The following GSK3B variants were observed in gnomAD, a reference collection of about 807,000 sequenced individuals.
GSK3B encodes the protein glycogen synthase kinase 3 beta.
A neutral mutation model predicts 56.4 loss-of-function variants in GSK3B; 15 were observed. The ratio of observed to expected loss-of-function variants is 0.27; its 90% CI spans 0.18 to 0.41. The LOEUF (loss-of-function observed/expected upper bound fraction) is 0.41. Ranked by LOEUF, GSK3B falls within the 10% of genes least tolerant of loss-of-function variation. The pLI is 1.00. For synonymous variants in GSK3B, 181 were observed against 188.9 expected (o/e 0.96, Z 0.34); for missense variants, 300 against 513.4 (o/e 0.58, Z 4.02).
chr3:119,848,626 A>G (rs1205165546), intron 9 of GSK3B, among the ~76,000 whole-genome samples: 1 of 152,150 alleles, frequency 6.6e-6, no homozygotes, highest in African/African-American at 2.4e-5. Flanking sequence ...TAGCAAGGGA[A>G]ATTGTACTTT....
intron 10 of GSK3B, among the ~76,000 whole-genome samples, chr3:119,837,247 C>T (rs552278569): frequency 1.3e-5 from 2 of 152,164 alleles, no homozygotes; most frequent in South Asian, 2.1e-4. Flanking sequence ...CTCCGCCTCC[C>T]GGGTTCACGC....
At chr3:119,898,856 T>C (rs1221891063) in intron 7 of GSK3B, among the ~76,000 whole-genome samples, 1 of 152,012 alleles carries the variant, frequency 6.6e-6, no homozygotes, top group Non-Finnish European at 1.5e-5. Flanking sequence ...GCAACAACAA[T>C]TAAAATGATA....
intron 1 of GSK3B, among the ~76,000 whole-genome samples, chr3:120,024,988 G>A (rs1369962973): frequency 2.0e-5 from 3 of 152,172 alleles, no homozygotes; most frequent in Non-Finnish European, 4.4e-5. Context: ...AAAGAAGATA[G>A]ACTCACTAAT....
chr3:119,966,630 A>G (rs17810302), intron 2 of GSK3B, among the ~76,000 whole-genome samples: 12,943 of 152,274 alleles, frequency 0.085, 679 homozygotes, highest in Non-Finnish European at 0.11. Flanking sequence ...GGTTAACAAC[A>G]AAGTCCTTTT....
intron 1 of GSK3B, among the ~76,000 whole-genome samples, chr3:120,077,655 G>A (rs896020213): frequency 2.6e-5 from 4 of 151,582 alleles, no homozygotes; most frequent in South Asian, 2.1e-4. Context: ...TGGTAGGGGC[G>A]AGGGAGAGGG....
At chr3:120,016,488 T>C (rs537043310) in intron 1 of GSK3B, among the ~76,000 whole-genome samples, 1 of 152,330 alleles carries the variant, frequency 6.6e-6, no homozygotes, top group East Asian at 1.9e-4. Flanking sequence ...CCTGTCCATT[T>C]ACTGAAAAAC....
chr3:120,019,118 A>G (rs1257628994), intron 1 of GSK3B, among the ~76,000 whole-genome samples: 1 of 152,214 alleles, frequency 6.6e-6, no homozygotes, highest in Non-Finnish European at 1.5e-5. Context: ...TGAATTAGCT[A>G]AAGTACAATA....
At chr3:119,893,296 G>A (rs533387388) in intron 7 of GSK3B, among the ~76,000 whole-genome samples, 2 of 152,182 alleles carry the variant, frequency 1.3e-5, no homozygotes, top group African/African-American at 4.8e-5. Flanking sequence ...ACCGCACCCA[G>A]CAGGTTTTAC....
chr3:119,906,461 C>G (rs2056683350), intron 6 of GSK3B, among the ~76,000 whole-genome samples: 1 of 151,974 alleles, frequency 6.6e-6, no homozygotes, highest in South Asian at 2.1e-4. Flanking sequence ...AAAATGAAAA[C>G]CTCAATCCGG....
At position 119,869,927 on chromosome 3, in the gene GSK3B, G is replaced by C. The variant is rs1322581281; in HGVS notation, c.910-6322C>G. On this transcript the variant is annotated intron_variant, in intron 8 of 10. Transcript: ENST00000264235. ...TAGTACTACATGCCTACACAGGAGTGGGATTTGCCAAATGTCCGCTTATCC... is the reference window on the plus strand; with the variant it reads ...TAGTACTACATGCCTACACAGGAGTCGGATTTGCCAAATGTCCGCTTATCC... Among the ~76,000 whole-genome samples the C allele has an allele frequency of 2.0e-5, 3 of 152,146 alleles. No homozygotes were observed. In the South Asian group the frequency reaches 6.2e-4, roughly 32 times the overall value.
chr3:119,851,747 C>T (rs938206866), intron 9 of GSK3B, among the ~76,000 whole-genome samples: 4 of 152,198 alleles, frequency 2.6e-5, no homozygotes, highest in Admixed American at 2.0e-4. Flanking sequence ...GTCTGACCTC[C>T]TCATGTGTGT....
intron 10 of GSK3B, among the ~76,000 whole-genome samples, chr3:119,830,402 G>A (rs2055580786): frequency 6.6e-6 from 1 of 152,166 alleles, no homozygotes; most frequent in Admixed American, 6.5e-5. Flanking sequence ...CTATTAAAAT[G>A]TTTATTAATT....
chr3:119,866,786 T>C (rs72548706), intron 8 of GSK3B, among the ~76,000 whole-genome samples: 21 of 152,202 alleles, frequency 1.4e-4, no homozygotes, highest in Non-Finnish European at 3.1e-4. Context: ...AACATCAGTC[T>C]TCACAGTAGC....
intron 7 of GSK3B, among the ~76,000 whole-genome samples, chr3:119,904,178 T>G (rs2107444942): frequency 6.6e-6 from 1 of 152,300 alleles, no homozygotes; most frequent in East Asian, 1.9e-4. Flanking sequence ...CTGAAGTACC[T>G]ATATGATATC....
At chr3:119,977,480 G>A (rs76613961) in intron 2 of GSK3B, among the ~76,000 whole-genome samples, 3,934 of 152,242 alleles carry the variant, frequency 0.026, 172 homozygotes, top group African/African-American at 0.089. Flanking sequence ...GACTCCCATT[G>A]CCATGCTGTT....
intron 1 of GSK3B, among the ~76,000 whole-genome samples, chr3:120,037,413 G>A (rs2058032052): frequency 2.6e-5 from 4 of 152,118 alleles, no homozygotes; most frequent in Admixed American, 1.3e-4. Context: ...CAGAAATGGT[G>A]ACAGACTGAA....
intron 1 of GSK3B, among the ~76,000 whole-genome samples, chr3:120,082,568 G>A (rs1020786464): frequency 4.0e-5 from 6 of 151,574 alleles, no homozygotes; most frequent in South Asian, 2.1e-4. Flanking sequence ...GCTAATTTTC[G>A]TATTTTTAGT....
Position 119,913,267 on chromosome 3 carries a change from G to A in GSK3B, c.609-457C>T, listed in dbSNP as rs1056088884. ...TCTTGCATTTTGACTTCTGACTCACGGCGAATATTTCAAGGCTTATAGACT... is the reference window on the plus strand; with the variant it reads ...TCTTGCATTTTGACTTCTGACTCACAGCGAATATTTCAAGGCTTATAGACT... On this transcript the variant is annotated intron_variant, in intron 5 of 10. Transcript: ENST00000264235. 4.6e-5 allele frequency among the ~76,000 whole-genome samples: 7 copies of A among 152,082 alleles called. No homozygotes were observed. The South Asian group carries it at 1.3e-3, about 27-fold the overall frequency.
At chr3:120,064,560 A>T (rs138269491) in intron 1 of GSK3B, among the ~76,000 whole-genome samples, 394 of 152,340 alleles carry the variant, frequency 2.6e-3, no homozygotes, top group African/African-American at 8.4e-3. Flanking sequence ...ATAGGAAGAC[A>T]TAATACTGTC....
Sources: allele counts gnomAD v4.1 joint callset (sites outside exome capture counted in the v4.1 genomes callset), GRCh38; gene constraint gnomAD v4.1.1; transcripts MANE v1.5; gene names NCBI Gene and HGNC (gene_info 2026-07-23, HGNC 2026-07-21).